Variants in NRXN1 observed in about 807,000 individuals in gnomAD.
The protein encoded by NRXN1 is neurexin-1.
Under a neutral mutation model 150.9 loss-of-function variants are expected in NRXN1, and 39 were observed. The observed-to-expected ratio is 0.26, with a 90% CI of 0.20 to 0.34. NRXN1 has a LOEUF of 0.34. Ranked by LOEUF, NRXN1 falls within the 10% of genes least tolerant of loss-of-function variation. The pLI is 1.00. For synonymous variants in NRXN1, 924 were observed against 757.0 expected, an observed-to-expected ratio of 1.22 and a Z score of -3.62; for missense variants, 1,815 against 1,949.9, an observed-to-expected ratio of 0.93 and a Z score of 1.30.
chr2:50,236,546 T>C (rs2065444305), intron 18 of NRXN1, among the ~76,000 whole-genome samples: 1 of 150,700 alleles, frequency 6.6e-6, no homozygotes, highest in Non-Finnish European at 1.5e-5. Context: ...AAAAATTATT[T>C]TGAACACAGA....
intron 5 of NRXN1, among the ~76,000 whole-genome samples, chr2:50,746,506 C>G (rs1405738132): frequency 6.6e-6 from 1 of 151,820 alleles, no homozygotes; most frequent in African/African-American, 2.4e-5. Context: ...TGCAGTGAGC[C>G]ATGATTATGA....
At chr2:50,662,520 G>A (rs922364332) in intron 5 of NRXN1, among the ~76,000 whole-genome samples, 3 of 151,998 alleles carry the variant, frequency 2.0e-5, no homozygotes, top group Admixed American at 6.6e-5. Flanking sequence ...AGGAGGCCCA[G>A]GACAGCTTTG....
At chr2:50,686,506 G>A (rs916046238) in intron 5 of NRXN1, among the ~76,000 whole-genome samples, 1 of 152,044 alleles carries the variant, frequency 6.6e-6, no homozygotes, top group African/African-American at 2.4e-5. Context: ...CTTGTTTCAG[G>A]CCTTCTGCCC....
intron 17 of NRXN1, among the ~76,000 whole-genome samples, chr2:50,291,361 TA>T (rs2072905390): frequency 6.6e-6 from 1 of 152,162 alleles, no homozygotes; most frequent in Non-Finnish European, 1.5e-5. Context: ...ATTTTATCCT[TA>T]ACTGCTTAAT....
intron 5 of NRXN1, among the ~76,000 whole-genome samples, chr2:50,720,251 T>C (rs1696463360): frequency 6.6e-6 from 1 of 152,122 alleles, no homozygotes; most frequent in Non-Finnish European, 1.5e-5. Context: ...GGAAACTTCA[T>C]TTTCGAAACT....
chr2:50,665,398 A>C (rs1456038567), intron 5 of NRXN1, among the ~76,000 whole-genome samples: 1 of 151,976 alleles, frequency 6.6e-6, no homozygotes, highest in Non-Finnish European at 1.5e-5. Context: ...TTCATGCAGC[A>C]ACATCTCAAC....
At chr2:50,059,671 C>G (rs1434812482) in intron 19 of NRXN1, among the ~76,000 whole-genome samples, 1 of 152,106 alleles carries the variant, frequency 6.6e-6, no homozygotes, top group Non-Finnish European at 1.5e-5. Flanking sequence ...TTTTTGTGGG[C>G]TGAGCCCTGG....
chr2:50,142,557 C>G (rs188193331), intron 18 of NRXN1, among the ~76,000 whole-genome samples: 171 of 151,388 alleles, frequency 1.1e-3, no homozygotes, highest in African/African-American at 3.9e-3. Flanking sequence ...ATACATATAA[C>G]AAAATATCAC....
chr2:50,197,055 A>G (rs1338765505), intron 18 of NRXN1, among the ~76,000 whole-genome samples: 4 of 152,142 alleles, frequency 2.6e-5, no homozygotes, highest in African/African-American at 9.6e-5. Context: ...CCCCAAACCT[A>G]AAATAAAAGT....
intron 5 of NRXN1, chr2:50,898,542 A>G: frequency 2.2e-6 from 1 of 451,386 alleles, no homozygotes; most frequent in Non-Finnish European, 4.4e-6. Flanking sequence ...AGACATGCAT[A>G]TATCCGTAGG....
At chr2:50,077,083 G>A (rs2152678507) in intron 19 of NRXN1, among the ~76,000 whole-genome samples, 1 of 152,280 alleles carries the variant, frequency 6.6e-6, no homozygotes, top group Non-Finnish European at 1.5e-5. Context: ...ATCACAAGGA[G>A]ATACTGTAAG....
intron 8 of NRXN1, among the ~76,000 whole-genome samples, chr2:50,570,383 C>T (rs1573591229): frequency 6.6e-6 from 1 of 152,120 alleles, no homozygotes; most frequent in South Asian, 2.1e-4. Flanking sequence ...GTTAATCATA[C>T]CTTATTAATT....
intron 17 of NRXN1, among the ~76,000 whole-genome samples, chr2:50,331,338 T>C (rs1451543219): frequency 6.6e-6 from 1 of 152,132 alleles, no homozygotes; most frequent in Non-Finnish European, 1.5e-5. Flanking sequence ...AATAATCTTT[T>C]CAAAGGATAT....
At chr2:50,697,882 A>T (rs983709975) in intron 5 of NRXN1, among the ~76,000 whole-genome samples, 4 of 151,930 alleles carry the variant, frequency 2.6e-5, no homozygotes, top group African/African-American at 9.7e-5. Context: ...TGTTCCCCCA[A>T]AGTAGACAGC....
At chr2:50,813,456 T>C (rs1377020066) in intron 5 of NRXN1, among the ~76,000 whole-genome samples, 1 of 152,160 alleles carries the variant, frequency 6.6e-6, no homozygotes, top group Non-Finnish European at 1.5e-5. Context: ...TAGCATTATG[T>C]ATTATATTGA....
intron 15 of NRXN1, among the ~76,000 whole-genome samples, chr2:50,483,398 G>A (rs967579530): frequency 6.6e-6 from 1 of 152,090 alleles, no homozygotes; most frequent in Admixed American, 6.5e-5. Context: ...TATAAAGTAG[G>A]CATTTGTTTG....
chr2:50,453,187 T>C lies in NRXN1; in HGVS notation c.3364+12255A>G, dbSNP rs1036370415. On this transcript the variant is annotated intron_variant, in intron 17 of 22. Transcript: ENST00000401669. ...GGACTTTAAAGATAATCTAATAGTC[T>C]AATAGTCCTTCAATGTAAGGGTATA... Among the ~76,000 whole-genome samples, 12 of 152,126 alleles carry C rather than the reference T, an allele frequency of 7.9e-5. No individual in the cohort carries two copies. The East Asian group carries it at 1.7e-3, about 22-fold the overall frequency.
chr2:50,102,061 A>G lies in NRXN1; in HGVS notation c.3547-10567T>C, dbSNP rs115642333. Among the ~76,000 whole-genome samples the G allele has an allele frequency of 7.0e-3, 1,064 of 152,148 alleles. 3 individuals are homozygous for G. Among genetic ancestry groups the G allele is most frequent in the Non-Finnish European group, 0.01 (712 of 67,902 alleles). On this transcript the variant is annotated intron_variant, in intron 18 of 22. Transcript: ENST00000401669. ...ATTTACCAATGAATATTTTCTAAAG[A>G]ATCAGCAAAACTCTGTTATCCCTGA...
intron 5 of NRXN1, among the ~76,000 whole-genome samples, chr2:50,850,559 C>T (rs907917169): frequency 5.3e-5 from 8 of 152,108 alleles, no homozygotes; most frequent in Admixed American, 3.9e-4. Context: ...TATCAAATTC[C>T]GCACATAAAT....
Sources: gnomAD v4.1 joint callset for allele counts (sites outside exome capture counted in the v4.1 genomes callset) on GRCh38, gnomAD v4.1.1 for gene constraint, MANE v1.5 for transcripts, NCBI Gene and HGNC (gene_info 2026-07-23, HGNC 2026-07-21) for gene names.